The following WASHC5 variants were observed in gnomAD, a reference collection of about 807,000 sequenced individuals.
WASHC5 encodes the protein WASH complex subunit strumpellin.
A neutral mutation model predicts 150.4 loss-of-function variants in WASHC5; 101 were observed. That is an observed-to-expected ratio of 0.67 (90% CI 0.57 to 0.79). The LOEUF (loss-of-function observed/expected upper bound fraction) is 0.79. WASHC5 is among the 30% of genes least tolerant of loss of function. The probability of loss-of-function intolerance (pLI) is 0.00; values close to 1 mark genes in which losing one functional copy is unlikely to be tolerated. For missense variants in WASHC5, 1,195 were observed against 1,396.3 expected (o/e 0.86, Z 2.30); for synonymous variants, 467 against 491.2 (o/e 0.95, Z 0.65).
At chr8:125,031,186 C>A (rs541187754) in intron 27 of WASHC5, among the ~76,000 whole-genome samples, 17 of 152,280 alleles carry the variant, frequency 1.1e-4, no homozygotes, top group African/African-American at 4.1e-4. Flanking sequence ...CATTCATGCA[C>A]TTAGTGGGAG....
intron 25 of WASHC5, among the ~76,000 whole-genome samples, chr8:125,037,557 A>G (rs538829015): frequency 6.6e-6 from 1 of 152,310 alleles, no homozygotes; most frequent in East Asian, 1.9e-4. Flanking sequence ...GAAGAAAACA[A>G]TTTTGCTTAG....
intron 28 of WASHC5, among the ~76,000 whole-genome samples, chr8:125,027,714 T>C (rs150667578): frequency 1.3e-5 from 2 of 152,368 alleles, no homozygotes; most frequent in African/African-American, 4.8e-5. Flanking sequence ...AAATCACCAC[T>C]AAAGAACTTA....
In WASHC5 at chr8:125,042,593, C is replaced by T. The variant is rs565538409; in HGVS notation, c.2850+1232G>A. On this transcript the variant is annotated intron_variant, in intron 23 of 28. Coordinates refer to ENST00000318410, the MANE Select transcript of WASHC5 (RefSeq NM_014846.4). ...GAATAGCTACTGGACTGAGAACCCT[C>T]CAGTAAGCAAGGGGAAAACCTTCCA... Among the ~76,000 whole-genome samples, 12 of 152,296 alleles carry T rather than the reference C, an allele frequency of 7.9e-5. No homozygotes were observed. In the East Asian group the frequency reaches 2.1e-3, roughly 27 times the overall value.
Position 125,024,546 on chromosome 8 carries a change from ATCT to A in WASHC5, c.*68_*70del. ...TGTATGAGCAACTGAGTTTCTTTTC[ATCT>A]TCAAATTCATTTGTGATGGTGGGAA... On this transcript the variant is annotated 3_prime_UTR_variant, in exon 29 of 29. Transcript: ENST00000318410. 8.4e-7 allele frequency: 1 copy of A among 1,195,066 alleles called. No homozygotes were observed. Among genetic ancestry groups the A allele is most frequent in the Non-Finnish European group, 1.3e-6 (1 of 798,876 alleles). The allele number at this position is 1,195,066 out of a possible 1,614,324, so 74.0% of individuals were successfully genotyped here.
intron 9 of WASHC5, among the ~76,000 whole-genome samples, chr8:125,071,450 G>T (rs1816892847): frequency 6.6e-6 from 1 of 152,066 alleles, no homozygotes; most frequent in Non-Finnish European, 1.5e-5. Context: ...TAAGCACTCT[G>T]GTCCAGCCAG....
chr8:125,086,021 C>A (rs1331734683), intron 1 of WASHC5, among the ~76,000 whole-genome samples: 2 of 152,070 alleles, frequency 1.3e-5, no homozygotes, highest in East Asian at 3.9e-4. Context: ...AAAGATGGCT[C>A]CCAACAATTC....
intron 17 of WASHC5, among the ~76,000 whole-genome samples, chr8:125,055,132 G>A (rs1816368772): frequency 6.6e-6 from 1 of 152,138 alleles, no homozygotes; most frequent in Admixed American, 6.5e-5. Flanking sequence ...ATCAATAAGT[G>A]AGTAAAACGG....
At chr8:125,058,060 C>T (rs1298267088) in intron 14 of WASHC5, among the ~76,000 whole-genome samples, 2 of 151,174 alleles carry the variant, frequency 1.3e-5, no homozygotes, top group South Asian at 2.1e-4. Flanking sequence ...GAAATCAAGA[C>T]GTTCTGATTG....
intron 7 of WASHC5, among the ~76,000 whole-genome samples, chr8:125,075,666 T>A (rs1377659275): frequency 6.6e-6 from 1 of 152,208 alleles, no homozygotes; most frequent in Admixed American, 6.5e-5. Context: ...CTTCCTAATG[T>A]AGGCTGTTCT....
intron 10 of WASHC5, among the ~76,000 whole-genome samples, chr8:125,064,779 CT>C (rs1231234812): frequency 6.6e-6 from 1 of 152,058 alleles, no homozygotes; most frequent in Non-Finnish European, 1.5e-5. Context: ...CATAATAAAT[CT>C]TGAAAAGCTG....
chr8:125,079,837 T>C (rs1052870316), intron 5 of WASHC5, among the ~76,000 whole-genome samples: 8 of 152,250 alleles, frequency 5.3e-5, no homozygotes, highest in Admixed American at 3.3e-4. Context: ...TGAATTACTA[T>C]GTATATGTAC....
rs545986391 is a variant in WASHC5 at position 125,059,317 on chromosome 8, G to A, written c.1689-20C>T. The stretch of plus-strand genomic sequence containing the variant: ...GTGAAACTGTAAAAAGAAAAGAAAC[G>A]GTAAGAAGATGTTCCTAGGGCCTTT... On this transcript the variant is annotated intron_variant, in intron 13 of 28. Coordinates refer to ENST00000318410, the MANE Select transcript of WASHC5 (RefSeq NM_014846.4). 7.4e-6 allele frequency: 12 copies of A among 1,613,356 alleles called. No individual in the cohort carries two copies. The highest frequency in any genetic ancestry group is 2.2e-5 in the East Asian group (1 of 44,870).
At chr8:125,029,162 G>A (rs1815456863) in intron 27 of WASHC5, among the ~76,000 whole-genome samples, 1 of 152,100 alleles carries the variant, frequency 6.6e-6, no homozygotes, top group Admixed American at 6.5e-5. Flanking sequence ...CTCCCGACTG[G>A]CTGGGATTAC....
At chr8:125,054,944 A>C (rs1319052088) in intron 17 of WASHC5, among the ~76,000 whole-genome samples, 1 of 146,502 alleles carries the variant, frequency 6.8e-6, no homozygotes, top group Non-Finnish European at 1.5e-5. Context: ...AAGGAAATTG[A>C]ATTTTTTTTT....
At chr8:125,038,718 G>T in intron 25 of WASHC5, 112 bp downstream of exon 25, 1 of 1,257,888 alleles carries the variant, frequency 7.9e-7, no homozygotes, top group Non-Finnish European at 1.2e-6. Flanking sequence ...TGGAATGAAG[G>T]CTCTGGGGTC....
At chr8:125,070,326 G>C (rs1014322519) in intron 9 of WASHC5, among the ~76,000 whole-genome samples, 1 of 152,226 alleles carries the variant, frequency 6.6e-6, no homozygotes, top group Non-Finnish European at 1.5e-5. Flanking sequence ...TCAATCATTT[G>C]TTTCTGATAA....
At chr8:125,026,072 T>C (rs1815373269) in intron 28 of WASHC5, among the ~76,000 whole-genome samples, 1 of 152,178 alleles carries the variant, frequency 6.6e-6, no homozygotes, top group Non-Finnish European at 1.5e-5. Context: ...GGCTGTCAAT[T>C]TACATTCCAA....
chr8:125,086,918 G>T (rs570146910), intron 1 of WASHC5, among the ~76,000 whole-genome samples: 2 of 152,310 alleles, frequency 1.3e-5, no homozygotes, highest in East Asian at 3.9e-4. Context: ...GGGTTGACCT[G>T]GTCCACTCAG....
rs1448889893 is a variant in WASHC5 at position 125,083,212 on chromosome 8, T to C, written c.233A>G (p.Gln78Arg). The C allele has an allele frequency of 2.2e-5, 35 of 1,612,644 alleles. No individual in the cohort carries two copies. The highest frequency in any genetic ancestry group is 3.0e-5 in the Non-Finnish European group (35 of 1,178,904). Residue 78 changes from glutamine to arginine, a missense_variant, in exon 3 of 29, where the codon CAG becomes CGG. By Grantham distance (43) the Gln-to-Arg change is conservative. Transcript: ENST00000318410. ...TTCACGAAATTCTTCATCTAAATCC[T>C]GTAGCTCTGGCTTAGCATCCAGTTT... ...ESKLDAKPEL[Q>R]DLDEEFRENN...
Sources: allele counts gnomAD v4.1 joint callset (sites outside exome capture counted in the v4.1 genomes callset), GRCh38; gene constraint gnomAD v4.1.1; transcripts MANE v1.5; gene names NCBI Gene and HGNC (gene_info 2026-07-23, HGNC 2026-07-21).